PLA2G2C: variants seen among roughly 807,000 people sequenced by gnomAD.
The protein encoded by PLA2G2C is putative inactive group IIC secretory phospholipase A2.
A neutral mutation model predicts 14.3 loss-of-function variants in PLA2G2C; 15 were observed. The observed-to-expected ratio is 1.05, with a 90% CI of 0.70 to 1.62. The LOEUF is 1.62. PLA2G2C is among the 40% of genes most tolerant of loss of function. The probability of loss-of-function intolerance (pLI) is 0.00; values close to 1 mark genes in which losing one functional copy is unlikely to be tolerated. For missense variants in PLA2G2C, 162 were observed against 173.2 expected (o/e 0.94, Z 0.36); for synonymous variants, 79 against 67.7 (o/e 1.17, Z -0.82).
intron 3 of PLA2G2C, among the ~76,000 whole-genome samples, chr1:20,173,400 G>A (rs973041639): frequency 9.9e-5 from 15 of 152,146 alleles, no homozygotes; most frequent in African/African-American, 3.6e-4. Flanking sequence ...TATCTCATTA[G>A]CTACTCATAG....
At chr1:20,171,811 G>T (rs1213289433) in intron 4 of PLA2G2C, among the ~76,000 whole-genome samples, 1 of 147,586 alleles carries the variant, frequency 6.8e-6, no homozygotes, top group Non-Finnish European at 1.5e-5. Context: ...GCCCAGGCGG[G>T]AGTGCAGTGG....
rs113555929 is a variant in PLA2G2C at position 20,182,124 on chromosome 1, C to T, written c.-77+4236G>A. On this transcript the variant is annotated intron_variant, in intron 1 of 4. Transcript: ENST00000679259. ...TGTTCTGCTTAACAAGACTGGAAAG[C>T]AGGCTATACATTTTTGGATATTTTC... Among the ~76,000 whole-genome samples the T allele has an allele frequency of 6.6e-3, 1,007 of 152,274 alleles. 15 individuals are homozygous for T. The highest frequency in any genetic ancestry group is 0.023 in the African/African-American group (956 of 41,542).
intron 1 of PLA2G2C, among the ~76,000 whole-genome samples, chr1:20,183,946 G>A (rs918307769): frequency 2.0e-5 from 3 of 152,196 alleles, no homozygotes; most frequent in Non-Finnish European, 4.4e-5. Context: ...GTATGTGCCA[G>A]ACACCAGGCA....
At chr1:20,174,913 T>C in intron 3 of PLA2G2C, 94 bp downstream of exon 3, 5 of 1,263,444 alleles carry the variant, frequency 4.0e-6, no homozygotes. Context: ...TTCTGTTATT[T>C]GCCAGGCAAG....
chr1:20,163,993 A>T lies in PLA2G2C; in HGVS notation c.448T>A (p.Ter150LysextTer14). ...ATGAGAGGGACCCTGTGGTGTCCCT[A>T]GCACCAGGGCTTATGTCTGCCACAC... Reference protein sequence around the residue: ...PRCGRHKPWC* With the variant: ...PRCGRHKPWCK The change falls in exon 5 of 5, where the codon TAG (stop) becomes AAG (lysine). Residue 150 changes from the stop codon to lysine, a stop_lost. Transcript: ENST00000679259. 6.2e-7 allele frequency: 1 copy of T among 1,612,316 alleles called. No individual in the cohort carries two copies. The highest frequency in any genetic ancestry group is 8.5e-7 in the Non-Finnish European group (1 of 1,179,168).
intron 2 of PLA2G2C, among the ~76,000 whole-genome samples, chr1:20,176,374 A>G (rs984979302): frequency 4.6e-5 from 7 of 152,224 alleles, no homozygotes; most frequent in Admixed American, 6.5e-5. Flanking sequence ...TTGTTGCTAT[A>G]TACTCATTTA....
chr1:20,183,754 G>A (rs1380235586), intron 1 of PLA2G2C, among the ~76,000 whole-genome samples: 1 of 152,184 alleles, frequency 6.6e-6, no homozygotes, highest in African/African-American at 2.4e-5. Flanking sequence ...AGAGCAGGGT[G>A]GGGCAGGCAT....
chr1:20,185,576 T>C (rs1192101910), intron 1 of PLA2G2C, among the ~76,000 whole-genome samples: 1 of 151,932 alleles, frequency 6.6e-6, no homozygotes, highest in African/African-American at 2.4e-5. Flanking sequence ...GGCCCCGGAG[T>C]GGGAGGCTGA....
At position 20,177,307 on chromosome 1, in the gene PLA2G2C, C is replaced by A; in HGVS notation, c.40+17G>T. On this transcript the variant is annotated intron_variant, in intron 2 of 4. Transcript: ENST00000679259. ...AAGACAGAAGCTTGGTGCTGACCCA[C>A]CAAGCTCTCTACTTACAGCAGAAGA... is the stretch of plus-strand genomic sequence containing the variant. 1.4e-6 allele frequency: 1 copy of A among 700,744 alleles called. No individual in the cohort carries two copies. Among genetic ancestry groups the A allele is most frequent in the Non-Finnish European group, 2.6e-6 (1 of 384,948 alleles). 43.4% of individuals were successfully genotyped at this position (700,744 alleles called of 1,614,324 possible).
intron 4 of PLA2G2C, among the ~76,000 whole-genome samples, chr1:20,167,370 T>C (rs891338371): frequency 6.6e-6 from 1 of 152,118 alleles, no homozygotes; most frequent in African/African-American, 2.4e-5. Flanking sequence ...TCTCCCCCCA[T>C]CTTCACAAGC....
At chr1:20,184,840 C>T (rs926232456) in intron 1 of PLA2G2C, among the ~76,000 whole-genome samples, 2 of 151,946 alleles carry the variant, frequency 1.3e-5, no homozygotes, top group East Asian at 1.9e-4. Flanking sequence ...AGCAAAACAA[C>T]GTTTTGAAAT....
rs1415946903 is a variant in PLA2G2C, at chr1:20,186,367, A to G, written c.-84T>C. 2 of 152,234 alleles carry G rather than the reference A, an allele frequency of 1.3e-5. No individual in the cohort carries two copies. The highest frequency in any genetic ancestry group is 2.9e-5 in the Non-Finnish European group (2 of 68,066). The allele number at this position is 152,234 out of a possible 1,614,324, so 9.4% of individuals were successfully genotyped here. On this transcript the variant is annotated 5_prime_UTR_variant, in exon 1 of 5. Transcript: ENST00000679259. ...AGCCTGGCCAGAGCTCACCTTTACC[A>G]AAATAGGGTGACTCCCGGGCTCTGC...
At chr1:20,166,498 C>T (rs576851761) in intron 4 of PLA2G2C, among the ~76,000 whole-genome samples, 6 of 152,266 alleles carry the variant, frequency 3.9e-5, no homozygotes, top group Non-Finnish European at 7.4e-5. Context: ...TCTCAGGGGA[C>T]GAGGGCTACT....
intron 4 of PLA2G2C, among the ~76,000 whole-genome samples, chr1:20,168,144 G>T (rs928454773): frequency 6.6e-6 from 1 of 152,244 alleles, no homozygotes; most frequent in South Asian, 2.1e-4. Flanking sequence ...AGGAAGCCAG[G>T]TTCTTGGGCC....
chr1:20,163,500 G>T lies in PLA2G2C; in HGVS notation c.*491C>A, dbSNP rs1195635464. The T allele has an allele frequency of 1.3e-5, 2 of 152,782 alleles. No homozygotes were observed. The highest frequency in any genetic ancestry group is 4.8e-5 in the African/African-American group (2 of 41,482). 9.5% of individuals were successfully genotyped at this position (152,782 alleles called of 1,614,324 possible). ...AGGACGCAGAGGGGCAAGGAAAGTG[G>T]TGGCTTTGTTGCCAGCTAGAGCTGG... On this transcript the variant is annotated 3_prime_UTR_variant, in exon 5 of 5. Coordinates refer to ENST00000679259, the MANE Select transcript of PLA2G2C (RefSeq NM_001367969.2).
chr1:20,167,491 C>A (rs1490148873), intron 4 of PLA2G2C, among the ~76,000 whole-genome samples: 1 of 152,180 alleles, frequency 6.6e-6, no homozygotes, highest in Non-Finnish European at 1.5e-5. Context: ...TCGGCCCTGA[C>A]CCTACCCGCA....
At chr1:20,165,557 G>A (rs1406326518) in intron 4 of PLA2G2C, among the ~76,000 whole-genome samples, 1 of 152,224 alleles carries the variant, frequency 6.6e-6, no homozygotes, top group East Asian at 1.9e-4. Context: ...AGGGATGAAT[G>A]AAGCCTCTAT....
At chr1:20,166,399 G>C (rs2017980531) in intron 4 of PLA2G2C, among the ~76,000 whole-genome samples, 1 of 152,108 alleles carries the variant, frequency 6.6e-6, no homozygotes, top group Non-Finnish European at 1.5e-5. Flanking sequence ...TCTAGCGCCT[G>C]GGTGCCCTCT....
chr1:20,178,951 G>C (rs1400680321), intron 1 of PLA2G2C, among the ~76,000 whole-genome samples: 1 of 152,214 alleles, frequency 6.6e-6, no homozygotes, highest in East Asian at 1.9e-4. Flanking sequence ...CCCCTCTTCA[G>C]GGCTGGGGTA....
Sources: gnomAD v4.1 joint callset for allele counts (sites outside exome capture counted in the v4.1 genomes callset) on GRCh38, gnomAD v4.1.1 for gene constraint, MANE v1.5 for transcripts, NCBI Gene and HGNC (gene_info 2026-07-23, HGNC 2026-07-21) for gene names.